The following SLC39A14 variants were observed in gnomAD, a reference collection of about 807,000 sequenced individuals.
The protein encoded by SLC39A14 is metal cation symporter ZIP14.
SLC39A14 carries 19 observed loss-of-function variants against 45.5 expected under a neutral mutation model. The observed-to-expected ratio is 0.42, with a 90% CI of 0.29 to 0.61. The LOEUF (loss-of-function observed/expected upper bound fraction) is 0.61, where lower values mean the gene tolerates loss of function less well. Among genes scored for constraint, SLC39A14 ranks in the 20% least tolerant of loss-of-function variants. The probability of loss-of-function intolerance (pLI) is 0.22; values close to 1 mark genes in which losing one functional copy is unlikely to be tolerated. For missense variants in SLC39A14, 447 were observed against 616.5 expected (o/e 0.73, Z 2.91); for synonymous variants, 264 against 251.3 (o/e 1.05, Z -0.48).
At chr8:22,378,530 G>A (rs978806854) in intron 1 of SLC39A14, among the ~76,000 whole-genome samples, 2 of 152,136 alleles carry the variant, frequency 1.3e-5, no homozygotes, top group East Asian at 1.9e-4. Context: ...GTTCCTAGAG[G>A]CCCCCATATT....
intron 8 of SLC39A14, among the ~76,000 whole-genome samples, chr8:22,431,302 A>C (rs34668161): frequency 6.6e-6 from 1 of 152,032 alleles, no homozygotes; most frequent in African/African-American, 2.4e-5. Context: ...AGTGCTTTTC[A>C]TATAAAATTG....
intron 4 of SLC39A14, 66 bp downstream of exon 4, chr8:22,412,272 G>A: frequency 2.0e-6 from 3 of 1,504,412 alleles, no homozygotes; most frequent in South Asian, 1.2e-5. Context: ...CCTCCGTTTG[G>A]ATAGAAGGCA....
At chr8:22,424,645 T>C (rs1333881557), downstream of SLC39A14, among the ~76,000 whole-genome samples, 1 of 152,142 alleles carries the variant, frequency 6.6e-6, no homozygotes, top group African/African-American at 2.4e-5. Flanking sequence ...TAATTGCTGT[T>C]CTTTGCATAC....
chr8:22,370,413 C>T (rs892929067), intron 1 of SLC39A14, among the ~76,000 whole-genome samples: 1 of 152,188 alleles, frequency 6.6e-6, no homozygotes, highest in African/African-American at 2.4e-5. Flanking sequence ...GGATAATAGC[C>T]TGCCTGCACC....
intron 1 of SLC39A14, among the ~76,000 whole-genome samples, chr8:22,369,297 A>G (rs1250559742): frequency 3.3e-5 from 5 of 152,148 alleles, no homozygotes; most frequent in Non-Finnish European, 5.9e-5. Flanking sequence ...TGAGCGGGAG[A>G]TTCGATCCAG....
At chr8:22,405,001 A>G (rs1220931150) in intron 2 of SLC39A14, 21 bp downstream of exon 2, 4 of 1,608,230 alleles carry the variant, frequency 2.5e-6, no homozygotes, top group Non-Finnish European at 3.4e-6. Context: ...CCTGTGAGCC[A>G]GCAGCTCTGC....
chr8:22,417,674 G>A lies in SLC39A14; in HGVS notation c.1171G>A (p.Ala391Thr), dbSNP rs1835969835. 4 of 1,613,824 alleles carry A rather than the reference G, an allele frequency of 2.5e-6. No individual in the cohort carries two copies. The highest frequency in any genetic ancestry group is 1.6e-4 in the Middle Eastern group (1 of 6,062). The part of the protein sequence containing the change: ...ELGDFVILLN[A>T]GMSIQQALFF... ...AGGAGACTTTGTCATCCTGCTCAAC[G>A]CTGGGATGAGCATCCAACAAGCTCT... Residue 391 changes from alanine (A) to threonine (T), a missense_variant, in exon 8 of 9, where the codon GCT becomes ACT. By Grantham distance (58) the Ala-to-Thr change is moderately conservative (BLOSUM62 0). Around this residue, in one of 2 missense-constraint regions of SLC39A14, gnomAD observed 105 missense variants for 188.4 expected, o/e 0.56. Coordinates refer to ENST00000381237, the MANE Select transcript of SLC39A14 (RefSeq NM_001128431.4).
chr8:22,410,259 C>G, intron 3 of SLC39A14: 4 of 810,500 alleles, frequency 4.9e-6, no homozygotes, highest in East Asian at 2.7e-5. Context: ...AAGCCACAAA[C>G]GACTTCTAAC....
Position 22,420,280 on chromosome 8 carries a change from C to T in SLC39A14, c.*582C>T. 1.0e-6 allele frequency: 1 copy of T among 985,504 alleles called. No homozygotes were observed. Among genetic ancestry groups the T allele is most frequent in the Non-Finnish European group, 1.2e-6 (1 of 829,994 alleles). The allele number at this position is 985,504 out of a possible 1,614,324, so 61.0% of individuals were successfully genotyped here. On this transcript the variant is annotated 3_prime_UTR_variant, in exon 9 of 9. Transcript: ENST00000381237. ...GCAGGGTGAGAGGTGAGGCAAGGTT[C>T]ATCCTGAATGGGAGAGGAAGTCGAA...
chr8:22,387,567 G>A (rs1244676687), intron 1 of SLC39A14, among the ~76,000 whole-genome samples: 1 of 152,170 alleles, frequency 6.6e-6, no homozygotes, highest in Admixed American at 6.6e-5. Context: ...CTTCTTTTGT[G>A]CCATATTTTC....
intron 4 of SLC39A14, 59 bp from the exon 5 acceptor site, chr8:22,414,721 G>T: frequency 6.5e-7 from 1 of 1,546,216 alleles, no homozygotes; most frequent in South Asian, 1.2e-5. Flanking sequence ...AGATAAGAGG[G>T]GGATCAGTAA....
intron 1 of SLC39A14, among the ~76,000 whole-genome samples, chr8:22,372,190 C>T (rs1384931529): frequency 6.6e-6 from 1 of 151,878 alleles, no homozygotes. Flanking sequence ...AATGTATTAC[C>T]TGTAATTTCT....
At chr8:22,389,915 C>A in intron 1 of SLC39A14, 1 of 158,472 alleles carries the variant, frequency 6.3e-6, no homozygotes, top group East Asian at 1.8e-4. Context: ...GGCCCGTACC[C>A]TTGGTCCTCA....
intron 3 of SLC39A14, 42 bp downstream of exon 3, chr8:22,408,538 C>T: frequency 1.3e-6 from 2 of 1,570,398 alleles, no homozygotes; most frequent in Non-Finnish European, 1.7e-6. Flanking sequence ...TCCCATCTCG[C>T]CCGCGTCTCA....
rs1836152298 is a variant in SLC39A14, at chr8:22,420,318, G to A, written c.*620G>A. On this transcript the variant is annotated 3_prime_UTR_variant, in exon 9 of 9. Coordinates refer to ENST00000381237, the MANE Select transcript of SLC39A14 (RefSeq NM_001128431.4). ...AGAGGAAGTCGAACCACTGCTGTGT[G>A]TCTTGTCAGGATGCTCACTTGTTCC... 1.0e-6 allele frequency: 1 copy of A among 985,372 alleles called. No individual in the cohort carries two copies. The highest frequency in any genetic ancestry group is 1.2e-6 in the Non-Finnish European group (1 of 829,972). The allele number at this position is 985,372 out of a possible 1,614,324, so 61.0% of individuals were successfully genotyped here.
chr8:22,402,498 G>A lies in SLC39A14; in HGVS notation c.-15-2198G>A, dbSNP rs192151984. 2.7e-3 allele frequency among the ~76,000 whole-genome samples: 413 copies of A among 152,286 alleles called. 2 individuals are homozygous for A. The highest frequency in any genetic ancestry group is 0.014 in the Middle Eastern group (4 of 294). On this transcript the variant is annotated intron_variant, in intron 1 of 8. Coordinates refer to ENST00000381237, the MANE Select transcript of SLC39A14 (RefSeq NM_001128431.4). ...ATCTTAAAAAATTCTGGCCGGGCAC[G>A]GTGGCATACGCCTACAATCCCAACA...
chr8:22,400,031 A>T (rs750668), intron 1 of SLC39A14, among the ~76,000 whole-genome samples: 20,317 of 152,188 alleles, frequency 0.13, 1,442 homozygotes, highest in East Asian at 0.25. Context: ...ACTGCAGAGC[A>T]TTGTAAGCCA....
intron 1 of SLC39A14, among the ~76,000 whole-genome samples, chr8:22,386,765 A>G (rs1451108631): frequency 6.6e-6 from 1 of 152,222 alleles, no homozygotes; most frequent in Admixed American, 6.5e-5. Context: ...CCACTTTGCA[A>G]GGAAGACTTG....
intron 1 of SLC39A14, among the ~76,000 whole-genome samples, chr8:22,380,157 G>A (rs966282555): frequency 6.6e-6 from 1 of 152,104 alleles, no homozygotes; most frequent in African/African-American, 2.4e-5. Context: ...GTAGATTTTG[G>A]TATCCTGGAG....
Sources: allele counts gnomAD v4.1 joint callset (sites outside exome capture counted in the v4.1 genomes callset), GRCh38; gene constraint gnomAD v4.1.1; regional missense constraint gnomAD v4.1.1; transcripts MANE v1.5; gene names NCBI Gene and HGNC (gene_info 2026-07-23, HGNC 2026-07-21).